TASP1: variants seen among roughly 807,000 people sequenced by gnomAD.
The protein encoded by TASP1 is threonine aspartase 1.
In TASP1, 16 loss-of-function variants were observed where a neutral mutation model predicts 56.6. The observed-to-expected ratio is 0.28, with a 90% CI of 0.19 to 0.43. The LOEUF is 0.43. Among genes scored for constraint, TASP1 ranks in the 20% least tolerant of loss-of-function variants. The probability of loss-of-function intolerance (pLI) is 1.00; values close to 1 mark genes in which losing one functional copy is unlikely to be tolerated. For synonymous variants in TASP1, 179 were observed against 184.2 expected, an observed-to-expected ratio of 0.97 and a Z score of 0.23; for missense variants, 393 against 511.6, an observed-to-expected ratio of 0.77 and a Z score of 2.24.
the TASP1 span, among the ~76,000 whole-genome samples, chr20:13,341,300 G>A: frequency 6.6e-6 from 1 of 152,174 alleles, no homozygotes; most frequent in African/African-American, 2.4e-5. Flanking sequence ...ACCCATTTGG[G>A]AGAGTATGCC....
chr20:13,265,179 C>T, the TASP1 span, among the ~76,000 whole-genome samples: 2 of 152,214 alleles, frequency 1.3e-5, no homozygotes, highest in African/African-American at 4.8e-5. Context: ...ACCTGAGAGA[C>T]TCCTTCACCA....
the TASP1 span, among the ~76,000 whole-genome samples, chr20:13,322,015 T>C: frequency 6.6e-6 from 1 of 152,242 alleles, no homozygotes; most frequent in African/African-American, 2.4e-5. Flanking sequence ...TGAGTCAACA[T>C]TTATATTATG....
the TASP1 span, among the ~76,000 whole-genome samples, chr20:13,274,059 T>TTCTGTG: frequency 6.6e-5 from 10 of 150,714 alleles, no homozygotes; most frequent in Admixed American, 6.6e-4. Flanking sequence ...TGGCGTGTAA[T>TTCTGTG]TGTGTGTGTG....
chr20:13,205,034 T>A, the TASP1 span, among the ~76,000 whole-genome samples: 2 of 152,138 alleles, frequency 1.3e-5, no homozygotes. Context: ...AGGGGCTGCC[T>A]TGGCTTCTGC....
the TASP1 span, among the ~76,000 whole-genome samples, chr20:13,210,434 A>T: frequency 6.6e-6 from 1 of 152,188 alleles, no homozygotes; most frequent in Non-Finnish European, 1.5e-5. Flanking sequence ...TAGGCTAATT[A>T]TTATATATTC....
chr20:13,587,326 C>A lies in TASP1; in HGVS notation c.327G>T (p.Leu109=), dbSNP rs117248024. 3.7e-3 allele frequency: 5,970 copies of A among 1,612,028 alleles called. 38 individuals carry two copies. Among genetic ancestry groups the A allele is most frequent in the Admixed American group, 0.016 (949 of 59,658 alleles). ...TGGCATCACACTCAATTTCACCTAA[C>A]AGATTTAGATTAGATCCCATTCCTG... ...TNAGMGSNLN[L]LGEIECDASI... The change falls in exon 5 of 14, where the codon CTG becomes CTT. Residue 109 remains leucine (L), a synonymous_variant. Transcript: ENST00000337743.
rs370734647 is a variant in TASP1, at chr20:13,579,335, G to A, written c.488+1562C>T. On this transcript the variant is annotated intron_variant, in intron 6 of 13. Coordinates refer to ENST00000337743, the MANE Select transcript of TASP1 (RefSeq NM_017714.3). ...TCATACCAGTTAAACAAAATAGCAT[G>A]GGTTTAATATAAATCATTAGAGAAG... is the stretch of plus-strand genomic sequence containing the variant. Among the ~76,000 whole-genome samples the A allele has an allele frequency of 3.3e-4, 50 of 152,204 alleles. No individual in the cohort carries two copies. The East Asian group carries it at 9.1e-3, about 28-fold the overall frequency.
At chr20:13,581,823 T>C (rs1262772595) in intron 5 of TASP1, among the ~76,000 whole-genome samples, 1 of 152,178 alleles carries the variant, frequency 6.6e-6, no homozygotes, top group Non-Finnish European at 1.5e-5. Flanking sequence ...CCTTCAATTC[T>C]GTCATGTAAC....
rs772062148 is a variant in TASP1, at chr20:13,534,150, C to T, written c.676-9G>A. 6.2e-7 allele frequency: 1 copy of T among 1,612,844 alleles called. No homozygotes were observed. Among genetic ancestry groups the T allele is most frequent in the Non-Finnish European group, 8.5e-7 (1 of 1,179,424 alleles). ...GTGCCTGAGTCATTTTCCTGCAGAG[C>T]AAAAGTGGCACAAGTATTCACTAGG... On this transcript the variant is annotated splice_polypyrimidine_tract_variant and intron_variant, in intron 8 of 13. Transcript: ENST00000337743.
At chr20:13,468,312 T>C (rs556709945) in intron 11 of TASP1, among the ~76,000 whole-genome samples, 1 of 152,314 alleles carries the variant, frequency 6.6e-6, no homozygotes, top group East Asian at 1.9e-4. Context: ...GATAGACTAT[T>C]TGAGAAGTAT....
At chr20:13,483,020 G>A (rs971226441) in intron 11 of TASP1, among the ~76,000 whole-genome samples, 2 of 152,108 alleles carry the variant, frequency 1.3e-5, no homozygotes, top group African/African-American at 4.8e-5. Context: ...ACAGCTTGGG[G>A]ATTAGCTTAG....
At chr20:13,425,151 A>C (rs1038155944) in intron 12 of TASP1, among the ~76,000 whole-genome samples, 24 of 152,222 alleles carry the variant, frequency 1.6e-4, no homozygotes, top group African/African-American at 5.8e-4. Flanking sequence ...CAACACCGGT[A>C]CTACTTCAGT....
the TASP1 span, among the ~76,000 whole-genome samples, chr20:13,280,310 C>A: frequency 6.6e-6 from 1 of 151,718 alleles, no homozygotes; most frequent in Non-Finnish European, 1.5e-5. Context: ...TTTGACCAGG[C>A]AACTGTGTTA....
chr20:13,324,613 A>G, the TASP1 span, among the ~76,000 whole-genome samples: 1 of 152,214 alleles, frequency 6.6e-6, no homozygotes, highest in Admixed American at 6.5e-5. Flanking sequence ...ATATTAAGGA[A>G]GCTTGCACTG....
intron 8 of TASP1, among the ~76,000 whole-genome samples, chr20:13,553,241 C>T (rs934510298): frequency 6.6e-6 from 1 of 152,110 alleles, no homozygotes; most frequent in African/African-American, 2.4e-5. Flanking sequence ...CACTGTACTC[C>T]ACCAAGAGTT....
chr20:13,154,037 A>T, the TASP1 span: 9 of 1,614,150 alleles, frequency 5.6e-6, no homozygotes, highest in Admixed American at 1.0e-4. Flanking sequence ...CGAAAAACAC[A>T]AGATACTTCA....
the TASP1 span, among the ~76,000 whole-genome samples, chr20:13,364,806 C>A: frequency 1.3e-5 from 2 of 152,216 alleles, no homozygotes; most frequent in African/African-American, 2.4e-5. Context: ...ATGCCCCTTT[C>A]TAAGTAAGTG....
chr20:13,267,663 A>G, the TASP1 span, among the ~76,000 whole-genome samples: 1 of 152,212 alleles, frequency 6.6e-6, no homozygotes, highest in African/African-American at 2.4e-5. Flanking sequence ...AGTCACATCA[A>G]TCAATCAATC....
chr20:13,198,967 G>A, the TASP1 span, among the ~76,000 whole-genome samples: 1 of 150,276 alleles, frequency 6.7e-6, no homozygotes, highest in East Asian at 2.0e-4. Flanking sequence ...CTGCAGTAGT[G>A]AGATCACAAC....
Sources: gnomAD v4.1 joint callset for allele counts (sites outside exome capture counted in the v4.1 genomes callset) on GRCh38, gnomAD v4.1.1 for gene constraint, MANE v1.5 for transcripts, NCBI Gene and HGNC (gene_info 2026-07-23, HGNC 2026-07-21) for gene names.